Variants in BBS9 observed in about 807,000 individuals in gnomAD.
BBS9 encodes the protein Bardet-Biedl syndrome 9.
A neutral mutation model predicts 117.7 loss-of-function variants in BBS9; 89 were observed. That is an observed-to-expected ratio of 0.76 (90% CI 0.64 to 0.90). BBS9 has a LOEUF of 0.90. BBS9 is among the 40% of genes least tolerant of loss of function. The pLI is 0.00. For synonymous variants in BBS9, 379 were observed against 370.9 expected (o/e 1.02, Z -0.25); for missense variants, 982 against 1,042.2 (o/e 0.94, Z 0.80).
At chr7:33,520,173 T>A (rs1439611620) in intron 20 of BBS9, among the ~76,000 whole-genome samples, 1 of 152,082 alleles carries the variant, frequency 6.6e-6, no homozygotes, top group Non-Finnish European at 1.5e-5. Context: ...TGCACCCAAC[T>A]AATTTTTGTA....
intron 10 of BBS9, among the ~76,000 whole-genome samples, chr7:33,340,268 T>C (rs978960719): frequency 6.6e-6 from 1 of 152,154 alleles, no homozygotes; most frequent in Non-Finnish European, 1.5e-5. Flanking sequence ...TATGTGCATA[T>C]TAGACACATT....
At chr7:33,338,418 A>G (rs561169378) in intron 10 of BBS9, among the ~76,000 whole-genome samples, 4 of 152,248 alleles carry the variant, frequency 2.6e-5, no homozygotes, top group South Asian at 4.1e-4. Flanking sequence ...GAACTTTTTG[A>G]TGACCCCATT....
chr7:33,277,294 T>C (rs568166282), intron 9 of BBS9, among the ~76,000 whole-genome samples: 1 of 152,328 alleles, frequency 6.6e-6, no homozygotes, highest in East Asian at 1.9e-4. Flanking sequence ...GGATTTTCAA[T>C]GCTCCTGTTT....
At chr7:33,227,123 A>T (rs917077552) in intron 5 of BBS9, among the ~76,000 whole-genome samples, 39 of 152,082 alleles carry the variant, frequency 2.6e-4, no homozygotes, top group African/African-American at 8.5e-4. Context: ...CAAGAATGAT[A>T]ATATATTATG....
At chr7:33,531,554 G>T (rs1332620038) in intron 20 of BBS9, among the ~76,000 whole-genome samples, 1 of 152,166 alleles carries the variant, frequency 6.6e-6, no homozygotes, top group Non-Finnish European at 1.5e-5. Context: ...AAGAAGAGTG[G>T]TCAGGATGGA....
At chr7:33,223,264 T>G (rs1285448011) in intron 5 of BBS9, among the ~76,000 whole-genome samples, 1 of 152,188 alleles carries the variant, frequency 6.6e-6, no homozygotes, top group Non-Finnish European at 1.5e-5. Context: ...TCAAGCTAAT[T>G]AACATATCTA....
intron 21 of BBS9, among the ~76,000 whole-genome samples, chr7:33,536,690 C>CCCCCGCCTTCCCCCCGCA (rs1851461854): frequency 7.4e-6 from 1 of 135,192 alleles, no homozygotes; most frequent in Admixed American, 7.3e-5. Context: ...TTCCCCCCGC[C>CCCCCGCCTTCCCCCCGCA]CCCCGCCTCC....
intron 9 of BBS9, among the ~76,000 whole-genome samples, chr7:33,281,604 A>G (rs571499127): frequency 6.6e-6 from 1 of 151,586 alleles, no homozygotes; most frequent in South Asian, 2.1e-4. Context: ...TTGAACTCCT[A>G]GCCTCAAGCC....
chr7:33,286,723 C>A (rs1802975212), intron 9 of BBS9, among the ~76,000 whole-genome samples: 1 of 152,080 alleles, frequency 6.6e-6, no homozygotes. Flanking sequence ...TGCGGCTAAG[C>A]TCTTTGCAGA....
intron 19 of BBS9, among the ~76,000 whole-genome samples, chr7:33,492,217 A>C (rs1357684298): frequency 6.7e-6 from 1 of 149,124 alleles, no homozygotes; most frequent in African/African-American, 2.5e-5. Flanking sequence ...AAAAAAACAA[A>C]AAAAAAACAA....
intron 9 of BBS9, among the ~76,000 whole-genome samples, chr7:33,278,637 G>A (rs557766669): frequency 6.6e-6 from 1 of 152,166 alleles, no homozygotes; most frequent in East Asian, 1.9e-4. Context: ...TTAATAAGAG[G>A]CATTTCAGAC....
chr7:33,475,167 G>T (rs1841627901), intron 19 of BBS9, among the ~76,000 whole-genome samples: 1 of 152,070 alleles, frequency 6.6e-6, no homozygotes, highest in Admixed American at 6.6e-5. Context: ...AGTCTATCTG[G>T]TCTCTGTTGC....
intron 19 of BBS9, among the ~76,000 whole-genome samples, chr7:33,390,957 A>T (rs1331532902): frequency 6.6e-6 from 1 of 152,174 alleles, no homozygotes; most frequent in African/African-American, 2.4e-5. Context: ...GCATAGATGT[A>T]CTTCTCTATT....
At chr7:33,440,185 A>G (rs1282280966) in intron 19 of BBS9, among the ~76,000 whole-genome samples, 1 of 152,232 alleles carries the variant, frequency 6.6e-6, no homozygotes, top group Non-Finnish European at 1.5e-5. Flanking sequence ...AAGGTTGGAA[A>G]TAATAAAGCT....
chr7:33,331,584 A>C (rs1814053891), intron 9 of BBS9, among the ~76,000 whole-genome samples: 2 of 151,462 alleles, frequency 1.3e-5, no homozygotes, highest in African/African-American at 4.8e-5. Context: ...CAATGTACGT[A>C]GATCAGTAGC....
intron 9 of BBS9, among the ~76,000 whole-genome samples, chr7:33,295,296 G>T (rs945785983): frequency 6.6e-6 from 1 of 151,676 alleles, no homozygotes; most frequent in African/African-American, 2.4e-5. Flanking sequence ...ACAATTTTTG[G>T]TACTTAATTT....
chr7:33,368,002 A>G, intron 17 of BBS9, 140 bp downstream of exon 17: 1 of 739,556 alleles, frequency 1.4e-6, no homozygotes, highest in Non-Finnish European at 2.4e-6. Context: ...TATTAAGTAG[A>G]TAGGATGTGA....
chr7:33,155,544 G>T, intron 3 of BBS9, 94 bp from the exon 4 acceptor site: 1 of 781,330 alleles, frequency 1.3e-6, no homozygotes. Context: ...CACAGTGGCT[G>T]TGGTTATGAG....
intron 19 of BBS9, among the ~76,000 whole-genome samples, chr7:33,400,634 C>T (rs918935903): frequency 6.6e-6 from 1 of 152,022 alleles, no homozygotes; most frequent in South Asian, 2.1e-4. Context: ...ATTTTGTGAT[C>T]TTTCTCAGCA....
Sources: allele counts gnomAD v4.1 joint callset (sites outside exome capture counted in the v4.1 genomes callset), GRCh38; gene constraint gnomAD v4.1.1; transcripts MANE v1.5; gene names NCBI Gene and HGNC (gene_info 2026-07-23, HGNC 2026-07-21).